The following LTBR variants were observed in gnomAD, a reference collection of about 807,000 sequenced individuals.
LTBR encodes the protein lymphotoxin beta receptor, also known as tumor necrosis factor receptor superfamily member 3.
A neutral mutation model predicts 45.4 loss-of-function variants in LTBR; 15 were observed. That is an observed-to-expected ratio of 0.33 (90% CI 0.22 to 0.51). The LOEUF (loss-of-function observed/expected upper bound fraction) is 0.51, where lower values mean the gene tolerates loss of function less well. Ranked by LOEUF, LTBR falls within the 20% of genes least tolerant of loss-of-function variation. The pLI is 0.97. For missense variants in LTBR, 450 were observed against 565.5 expected (o/e 0.80, Z 2.07); for synonymous variants, 228 against 231.0 (o/e 0.99, Z 0.12).
Position 6,390,937 on chromosome 12 carries a change from A to C in LTBR, c.1308A>C (p.Ter436CysextTer18). ...GGAACCAATTTATCACCCATGACTG[A>C]CTGAGTCTGAGAAAAGGCAGAAGAA... ...GPRNQFITHD[*>C] is the part of the protein sequence containing the mutation. The change falls in exon 10 of 10, where the codon TGA becomes TGC. Residue 436 changes from the stop codon to cysteine (C), a stop_lost. Transcript: ENST00000228918. 1 of 1,550,620 alleles carries C rather than the reference A, an allele frequency of 6.4e-7. No homozygotes were observed. Among genetic ancestry groups the C allele is most frequent in the South Asian group, 1.2e-5 (1 of 80,754 alleles).
At position 6,391,232 on chromosome 12, in the gene LTBR, C is replaced by T. The variant is rs765166187; in HGVS notation, c.*295C>T. 2.0e-5 allele frequency: 6 copies of T among 299,832 alleles called. No homozygotes were observed. The highest frequency in any genetic ancestry group is 5.4e-5 in the East Asian group (1 of 18,438). 18.6% of individuals were successfully genotyped at this position (299,832 alleles called of 1,614,324 possible). On this transcript the variant is annotated 3_prime_UTR_variant, in exon 10 of 10. Coordinates refer to ENST00000228918, the MANE Select transcript of LTBR (RefSeq NM_002342.3). ...ACATGATACCAACTGCTGCCCACTA[C>T]GGCACGCCGCACCGGAGCACGGCAC...
chr12:6,389,110 A>G (rs1356180718), intron 8 of LTBR: 10 of 348,376 alleles, frequency 2.9e-5, no homozygotes, highest in African/African-American at 1.3e-4. Context: ...GAAGGGGTCA[A>G]TGAGTGACAG....
rs1949098429 is a variant in LTBR, at chr12:6,390,312, A to G, written c.1002A>G (p.Glu334=). 1.2e-6 allele frequency: 2 copies of G among 1,610,110 alleles called. No individual in the cohort carries two copies. The highest frequency in any genetic ancestry group is 1.7e-6 in the Non-Finnish European group (2 of 1,177,572). ...PLDLTREPQL[E]PGEQSQVAHG... ...ACCTGACCAGGGAGCCGCAGTTGGAACCCGGGGAGCAGAGCCAGGTGGCCC... is the reference window on the plus strand; with the variant it reads ...ACCTGACCAGGGAGCCGCAGTTGGAGCCCGGGGAGCAGAGCCAGGTGGCCC... Residue 334 remains glutamate, a synonymous_variant, in exon 9 of 10, where the codon GAA becomes GAG. Coordinates refer to ENST00000228918, the MANE Select transcript of LTBR (RefSeq NM_002342.3).
chr12:6,379,825 C>T (rs538068281), upstream of LTBR, among the ~76,000 whole-genome samples: 113 of 150,816 alleles, frequency 7.5e-4, no homozygotes, highest in Non-Finnish European at 1.3e-3. Flanking sequence ...CCCAGCTACT[C>T]GGGAGGCTGA....
In LTBR at chr12:6,388,943, T is replaced by G; in HGVS notation, c.801+118T>G. Reference sequence around the variant, plus strand: ...CACACTCATTCATTCATTCAACTGATGATTTACTGAACATGCCACGTACCA... The same window carrying G: ...CACACTCATTCATTCATTCAACTGAGGATTTACTGAACATGCCACGTACCA... On this transcript the variant is annotated intron_variant, in intron 8 of 9. Transcript: ENST00000228918. This position sits in a 1 kb window ranked among gnomAD's most constrained non-coding sequence, Gnocchi z 4.3. 1 of 1,289,248 alleles carries G rather than the reference T, an allele frequency of 7.8e-7. No individual in the cohort carries two copies. Among genetic ancestry groups the G allele is most frequent in the Non-Finnish European group, 1.1e-6 (1 of 897,314 alleles). 79.9% of individuals were successfully genotyped at this position (1,289,248 alleles called of 1,614,324 possible). A position where few individuals can be genotyped will look rare whatever the true frequency, so the allele number is the denominator to read the frequency against.
At chr12:6,380,452 G>A (rs1252871379), upstream of LTBR, among the ~76,000 whole-genome samples, 1 of 152,156 alleles carries the variant, frequency 6.6e-6, no homozygotes, top group African/African-American at 2.4e-5. Flanking sequence ...AGGCTAAGGT[G>A]GGCGAAATGA....
Position 6,384,653 on chromosome 12 carries a change from G to C in LTBR, c.162G>C (p.Gln54His), listed in dbSNP as rs1949018300. Residue 54 changes from glutamine (Q) to histidine (H), a missense_variant, in exon 2 of 10, where the codon CAG becomes CAC. Coordinates refer to ENST00000228918, the MANE Select transcript of LTBR (RefSeq NM_002342.3). Reference protein sequence around the residue: ...RDQEKEYYEPQHRICCSRCPP... With the variant: ...RDQEKEYYEPHHRICCSRCPP... Reference sequence around the variant, plus strand: ...AGGAAAAGGAATACTATGAGCCCCAGCACCGCATCTGCTGCTCCCGCTGCC... The same window carrying C: ...AGGAAAAGGAATACTATGAGCCCCACCACCGCATCTGCTGCTCCCGCTGCC... 1.9e-6 allele frequency: 3 copies of C among 1,614,118 alleles called. No individual in the cohort carries two copies. Among genetic ancestry groups the C allele is most frequent in the Non-Finnish European group, 2.5e-6 (3 of 1,180,032 alleles).
upstream of LTBR, among the ~76,000 whole-genome samples, chr12:6,382,706 C>T (rs949063848): frequency 6.6e-6 from 1 of 152,216 alleles, no homozygotes; most frequent in Non-Finnish European, 1.5e-5. Flanking sequence ...TGTGACCTCT[C>T]CTCCCCATGC....
chr12:6,387,117 C>T (rs879668345), intron 6 of LTBR: 3 of 152,252 alleles, frequency 2.0e-5, no homozygotes, highest in Non-Finnish European at 4.4e-5. Flanking sequence ...TTATTAGAAC[C>T]TGTACTCAGG....
At chr12:6,376,301 G>A (rs1014966966) in intron 1 of LTBR, 7 of 408,632 alleles carry the variant, frequency 1.7e-5, no homozygotes, top group East Asian at 1.6e-4. Context: ...GTGAAGCTGG[G>A]GGCTAGGCGG....
chr12:6,377,102 G>C lies in LTBR; in HGVS notation c.39+1508G>C, dbSNP rs531831963. 13 of 604,074 alleles carry C rather than the reference G, an allele frequency of 2.2e-5. No individual in the cohort carries two copies. In the South Asian group the frequency reaches 3.0e-4, roughly 14 times the overall value. 37.4% of individuals were successfully genotyped at this position (604,074 alleles called of 1,614,324 possible). A position where few individuals can be genotyped will look rare whatever the true frequency, so the allele number is the denominator to read the frequency against. On this transcript the variant is annotated intron_variant, in intron 1 of 9. Transcript: ENST00000539925. ...ATCTCTGCTGAATCTTGACAAGCAA[G>C]GAGTTTAGCAGGCAAAGAAGAGAAA...
rs755628897 is a variant in LTBR, at chr12:6,388,439, T to C, written c.709T>C (p.Phe237Leu). ...MLAVLLPLAF[F>L]LLLATVFSCI... is the part of the protein sequence containing the mutation. ...GGCCGTTCTGCTGCCACTGGCCTTC[T>C]TTCTGCTCCTTGCCACCGTCTTCTC... The change falls in exon 7 of 10, where the codon TTT (phenylalanine) becomes CTT (leucine). Residue 237 changes from phenylalanine to leucine, a missense_variant. Physicochemically the swap from Phe to Leu is conservative, Grantham distance 22. This residue lies in a region of LTBR where 367 missense variants were observed against 435.4 expected (regional missense o/e 0.84). Coordinates refer to ENST00000228918, the MANE Select transcript of LTBR (RefSeq NM_002342.3). This position sits in a 1 kb window ranked among gnomAD's most constrained non-coding sequence, Gnocchi z 4.3. 19 of 1,613,910 alleles carry C rather than the reference T, an allele frequency of 1.2e-5. No individual in the cohort carries two copies. Among genetic ancestry groups the C allele is most frequent in the Non-Finnish European group, 1.4e-5 (16 of 1,180,022 alleles).
rs1949029271 is a variant in LTBR at position 6,385,470 on chromosome 12, C to T, written c.472+91C>T. The T allele has an allele frequency of 3.4e-6, 5 of 1,457,608 alleles. No individual in the cohort carries two copies. The South Asian group carries it at 3.7e-5, about 11-fold the overall frequency. The allele number at this position is 1,457,608 out of a possible 1,614,324, so 90.3% of individuals were successfully genotyped here. ...AGGGAATATGGTACTGTGTCCACGGCGACCCCCCAGATCCTTGGCTTAAAA... is the reference window on the plus strand; with the variant it reads ...AGGGAATATGGTACTGTGTCCACGGTGACCCCCCAGATCCTTGGCTTAAAA... On this transcript the variant is annotated intron_variant, in intron 4 of 9. Transcript: ENST00000228918.
intron 1 of LTBR, chr12:6,377,474 GGGGCTCA>G: frequency 1.5e-6 from 1 of 654,298 alleles, no homozygotes; most frequent in Non-Finnish European, 2.6e-6. Context: ...ATGGGGGATC[GGGGCTCA>G]GGTGCACCTG....
intron 8 of LTBR, chr12:6,389,813 A>C (rs1949090236): frequency 1.1e-5 from 3 of 269,830 alleles, no homozygotes; most frequent in Admixed American, 4.8e-5. Context: ...AAAAAAAAAA[A>C]AAAAAAAAAG....
At chr12:6,380,499 C>A (rs939582706), upstream of LTBR, among the ~76,000 whole-genome samples, 2 of 152,146 alleles carry the variant, frequency 1.3e-5, no homozygotes. Context: ...CTGTGGCCAA[C>A]ATGGCAAAAC....
chr12:6,387,573 T>C, intron 6 of LTBR: 1 of 170,198 alleles, frequency 5.9e-6, no homozygotes. Flanking sequence ...AGGCCTCCCA[T>C]CCCATATTCC....
In LTBR at chr12:6,384,191, G is replaced by C; in HGVS notation, c.-168G>C. 1.5e-6 allele frequency: 2 copies of C among 1,307,504 alleles called. No individual in the cohort carries two copies. Among genetic ancestry groups the C allele is most frequent in the Non-Finnish European group, 1.9e-6 (2 of 1,032,456 alleles). 81.0% of individuals were successfully genotyped at this position (1,307,504 alleles called of 1,614,324 possible). A position where few individuals can be genotyped will look rare whatever the true frequency, so the allele number is the denominator to read the frequency against. The stretch of plus-strand genomic sequence containing the variant: ...CCACTTCCTGAGCTCCGCCATGGGA[G>C]CCCTGGAGGCCCGGCCTGGCCGCTC... On this transcript the variant is annotated 5_prime_UTR_variant, in exon 1 of 10. Transcript: ENST00000228918.
Position 6,388,288 on chromosome 12 carries a change from C to T in LTBR, c.668-110C>T, listed in dbSNP as rs1181939007. ...ATTGTGTCTAGAAGGAAAAAAGCTG[C>T]TCCCTTTTCTCTGTCTGGGTTGCCC... On this transcript the variant is annotated intron_variant, in intron 6 of 9. Coordinates refer to ENST00000228918, the MANE Select transcript of LTBR (RefSeq NM_002342.3). The surrounding 1 kb of genome is among the most constrained non-coding windows in gnomAD (Gnocchi z 4.3). The T allele has an allele frequency of 1.2e-5, 9 of 752,672 alleles. No individual in the cohort carries two copies. The South Asian group carries it at 1.2e-4, about 10-fold the overall frequency. The allele number at this position is 752,672 out of a possible 1,614,324, so 46.6% of individuals were successfully genotyped here. A position where few individuals can be genotyped will look rare whatever the true frequency, so the allele number is the denominator to read the frequency against.
Sources: gnomAD v4.1 joint callset for allele counts (sites outside exome capture counted in the v4.1 genomes callset) on GRCh38, gnomAD v4.1.1 for gene constraint, gnomAD v4.1.1 regional missense constraint, Gnocchi (gnomAD v3.1) non-coding constraint, MANE v1.5 for transcripts, NCBI Gene and HGNC (gene_info 2026-07-23, HGNC 2026-07-21) for gene names.